Variants in CAMTA1 observed in about 807,000 individuals in gnomAD.
The protein encoded by CAMTA1 is calmodulin-binding transcription activator 1.
Under a neutral mutation model 170.9 loss-of-function variants are expected in CAMTA1, and 27 were observed. The ratio of observed to expected loss-of-function variants is 0.16; its 90% CI spans 0.12 to 0.22. The LOEUF is 0.22. Among genes scored for constraint, CAMTA1 ranks in the 10% least tolerant of loss-of-function variants. The pLI is 1.00. For missense variants in CAMTA1, 1,619 were observed against 2,217.2 expected (o/e 0.73, Z 5.42); for synonymous variants, 833 against 891.5 (o/e 0.93, Z 1.17).
chr1:6,805,719 C>T (rs1279423354), intron 1 of CAMTA1, among the ~76,000 whole-genome samples: 1 of 152,104 alleles, frequency 6.6e-6, no homozygotes, highest in Non-Finnish European at 1.5e-5. Context: ...ATATTATGCC[C>T]AGGCTGGTCT....
chr1:7,537,995 G>A (rs1178537967), intron 6 of CAMTA1, among the ~76,000 whole-genome samples: 5 of 152,160 alleles, frequency 3.3e-5, no homozygotes, highest in Admixed American at 3.3e-4. Flanking sequence ...GTTTTTCTCT[G>A]CTCTGTTCTT....
intron 8 of CAMTA1, 92 bp from the exon 9 acceptor site, chr1:7,663,261 G>T: frequency 6.8e-7 from 1 of 1,460,770 alleles, no homozygotes; most frequent in East Asian, 2.4e-5. Context: ...GGTCCACCAC[G>T]GTCCTAGCTC....
chr1:7,538,528 G>T (rs2094574070), intron 6 of CAMTA1, among the ~76,000 whole-genome samples: 1 of 152,208 alleles, frequency 6.6e-6, no homozygotes, highest in South Asian at 2.1e-4. Flanking sequence ...GCAAGTGCTT[G>T]TAGTCCCAGC....
At chr1:7,436,351 C>A (rs553813334) in intron 5 of CAMTA1, among the ~76,000 whole-genome samples, 2 of 152,272 alleles carry the variant, frequency 1.3e-5, no homozygotes, top group East Asian at 1.9e-4. Context: ...AGGGAGGGGG[C>A]CTGGGAGGGA....
At chr1:7,349,319 T>C (rs1329099102) in intron 5 of CAMTA1, among the ~76,000 whole-genome samples, 1 of 152,170 alleles carries the variant, frequency 6.6e-6, no homozygotes, top group Non-Finnish European at 1.5e-5. Context: ...CCACTGTTAA[T>C]TACCACCTTA....
At chr1:7,602,813 A>T (rs1188996909) in intron 6 of CAMTA1, among the ~76,000 whole-genome samples, 1 of 152,188 alleles carries the variant, frequency 6.6e-6, no homozygotes, top group African/African-American at 2.4e-5. Flanking sequence ...ATTTCCCTCT[A>T]CACACTGCTT....
rs1408470891 is a variant in CAMTA1, at chr1:7,203,892, C to T, written c.303-45599C>T. Among the ~76,000 whole-genome samples, 12 of 149,704 alleles carry T rather than the reference C, an allele frequency of 8.0e-5. No homozygotes were observed. In the East Asian group the frequency reaches 9.8e-4, roughly 12 times the overall value. ...TGTCGCCCAGGCTGGAGTGCAGTGGCGTGATCTCGGCTCACTGCAAGCTCC... is the reference window on the plus strand; with the variant it reads ...TGTCGCCCAGGCTGGAGTGCAGTGGTGTGATCTCGGCTCACTGCAAGCTCC... On this transcript the variant is annotated intron_variant, in intron 4 of 22. Coordinates refer to ENST00000303635, the MANE Select transcript of CAMTA1 (RefSeq NM_015215.4).
intron 5 of CAMTA1, among the ~76,000 whole-genome samples, chr1:7,334,604 G>A (rs1445402285): frequency 6.6e-6 from 1 of 152,110 alleles, no homozygotes; most frequent in African/African-American, 2.4e-5. Flanking sequence ...CATCTCCCCC[G>A]GGGGATGTCT....
chr1:7,697,997 T>C (rs2149468880), intron 11 of CAMTA1, among the ~76,000 whole-genome samples: 1 of 151,116 alleles, frequency 6.6e-6, no homozygotes. Flanking sequence ...ATGGGACTGA[T>C]GATTTTAAGC....
chr1:7,385,827 GGC>G (rs1317366398), intron 5 of CAMTA1, among the ~76,000 whole-genome samples: 2 of 152,206 alleles, frequency 1.3e-5, no homozygotes, highest in Non-Finnish European at 2.9e-5. Context: ...CCCAGCACTG[GGC>G]GCCTCTGACG....
chr1:7,335,893 A>G lies in CAMTA1; in HGVS notation c.438+86267A>G, dbSNP rs188940015. 2.2e-3 allele frequency among the ~76,000 whole-genome samples: 329 copies of G among 152,322 alleles called. 1 individual carries two copies. The highest frequency in any genetic ancestry group is 7.8e-3 in the African/African-American group (323 of 41,572). ...AAGATTAATCTATTGATGGTGGGGA[A>G]GAGAGCCTGTAAGGCAGATTGGGTG... On this transcript the variant is annotated intron_variant, in intron 5 of 22. Coordinates refer to ENST00000303635, the MANE Select transcript of CAMTA1 (RefSeq NM_015215.4).
intron 9 of CAMTA1, among the ~76,000 whole-genome samples, chr1:7,667,173 G>A (rs2096008640): frequency 6.6e-6 from 1 of 152,118 alleles, no homozygotes; most frequent in Admixed American, 6.5e-5. Context: ...TCGGGCATGA[G>A]CCACCACACC....
At chr1:7,690,969 C>T (rs1300259060) in intron 11 of CAMTA1, among the ~76,000 whole-genome samples, 1 of 152,210 alleles carries the variant, frequency 6.6e-6, no homozygotes, top group African/African-American at 2.4e-5. Context: ...CCGTTAGGTG[C>T]CAGGCACTGC....
chr1:7,358,511 C>T (rs2085299084), intron 5 of CAMTA1, among the ~76,000 whole-genome samples: 1 of 151,776 alleles, frequency 6.6e-6, no homozygotes, highest in East Asian at 2.0e-4. Context: ...CGGTGCGGAG[C>T]CTCCCTTCCT....
intron 1 of CAMTA1, among the ~76,000 whole-genome samples, chr1:6,801,442 G>A (rs952291737): frequency 2.0e-5 from 3 of 152,056 alleles, no homozygotes; most frequent in African/African-American, 7.2e-5. Context: ...TGCTACCTTC[G>A]TCACTGTCCT....
intron 6 of CAMTA1, among the ~76,000 whole-genome samples, chr1:7,509,872 C>A (rs1265455431): frequency 6.6e-6 from 1 of 151,886 alleles, no homozygotes; most frequent in East Asian, 1.9e-4. Flanking sequence ...AAAGTCTGCT[C>A]ATAAAGGATT....
chr1:7,526,149 T>C (rs946308007), intron 6 of CAMTA1, among the ~76,000 whole-genome samples: 2 of 151,672 alleles, frequency 1.3e-5, no homozygotes, highest in African/African-American at 2.4e-5. Flanking sequence ...GAGGAGACAT[T>C]GTCACTGCAA....
At chr1:6,935,269 C>T (rs1557852062) in intron 3 of CAMTA1, among the ~76,000 whole-genome samples, 1 of 152,022 alleles carries the variant, frequency 6.6e-6, no homozygotes, top group Non-Finnish European at 1.5e-5. Flanking sequence ...GAAGTAAAAC[C>T]CTTTCTCCTT....
rs1464557377 is a variant in CAMTA1, at chr1:7,677,751, G to A, written c.2914+18G>A. On this transcript the variant is annotated intron_variant, in intron 11 of 22. Transcript: ENST00000303635. ...GTTGGACGGTAAGAACAGTGCTTGG[G>A]TCGTCTTGCCAGGCACCAAGGGAGA... The A allele has an allele frequency of 6.2e-7, 1 of 1,608,560 alleles. No individual in the cohort carries two copies. Among genetic ancestry groups the A allele is most frequent in the Non-Finnish European group, 8.5e-7 (1 of 1,177,408 alleles).
Sources: gnomAD v4.1 joint callset for allele counts (sites outside exome capture counted in the v4.1 genomes callset) on GRCh38, gnomAD v4.1.1 for gene constraint, MANE v1.5 for transcripts, NCBI Gene and HGNC (gene_info 2026-07-23, HGNC 2026-07-21) for gene names.